The following NCKAP5 variants were observed in gnomAD, a reference collection of about 807,000 sequenced individuals.
The protein encoded by NCKAP5 is nck-associated protein 5.
Under a neutral mutation model 167.0 loss-of-function variants are expected in NCKAP5, and 92 were observed. That is an observed-to-expected ratio of 0.55 (90% CI 0.47 to 0.66). The LOEUF (loss-of-function observed/expected upper bound fraction) is 0.66. Among genes scored for constraint, NCKAP5 ranks in the 30% least tolerant of loss-of-function variants. The probability of loss-of-function intolerance (pLI) is 0.00; values close to 1 mark genes in which losing one functional copy is unlikely to be tolerated. For synonymous variants in NCKAP5, 891 were observed against 877.4 expected (o/e 1.02, Z -0.27); for missense variants, 2,378 against 2,315.0 (o/e 1.03, Z -0.56).
At chr2:133,521,385 C>A (rs1437766489) in intron 2 of NCKAP5, among the ~76,000 whole-genome samples, 2 of 152,354 alleles carry the variant, frequency 1.3e-5, no homozygotes, top group East Asian at 3.9e-4. Context: ...AACTACATTT[C>A]TAGTGCAAAC....
At chr2:133,549,075 A>T (rs1217535187) in intron 2 of NCKAP5, among the ~76,000 whole-genome samples, 1 of 151,368 alleles carries the variant, frequency 6.6e-6, no homozygotes, top group Non-Finnish European at 1.5e-5. Flanking sequence ...CAGGGGTTGC[A>T]ATCCTAGTCT....
chr2:132,714,843 A>T, intron 19 of NCKAP5: 1 of 449,648 alleles, frequency 2.2e-6, no homozygotes, highest in Non-Finnish European at 4.4e-6. Context: ...AGTTAATGAC[A>T]CAGCCAGCGC....
chr2:133,578,630 G>C, the NCKAP5 span, among the ~76,000 whole-genome samples: 1 of 152,176 alleles, frequency 6.6e-6, no homozygotes, highest in East Asian at 1.9e-4. Context: ...GATTGGCTGT[G>C]GCTCTGTCGT....
chr2:133,635,796 T>C, the NCKAP5 span, among the ~76,000 whole-genome samples: 1 of 152,180 alleles, frequency 6.6e-6, no homozygotes, highest in Non-Finnish European at 1.5e-5. Context: ...AAATAGCTAC[T>C]ATAGAAAGCC....
intron 6 of NCKAP5, among the ~76,000 whole-genome samples, chr2:133,107,806 G>A (rs186797216): frequency 6.6e-5 from 10 of 152,308 alleles, no homozygotes; most frequent in Admixed American, 4.6e-4. Context: ...TTTCACCATC[G>A]TCTTATTTCT....
intron 19 of NCKAP5, among the ~76,000 whole-genome samples, chr2:132,707,182 T>A (rs887953647): frequency 6.6e-6 from 1 of 152,220 alleles, no homozygotes; most frequent in Admixed American, 6.5e-5. Flanking sequence ...AGGTGCGTTG[T>A]GTGGAGAATC....
chr2:132,681,345 C>T (rs940172553), intron 19 of NCKAP5, among the ~76,000 whole-genome samples: 1 of 149,188 alleles, frequency 6.7e-6, no homozygotes, highest in Non-Finnish European at 1.5e-5. Context: ...GACTGATTAG[C>T]CTTTTTTTTT....
At chr2:133,653,071 A>G in the NCKAP5 span, among the ~76,000 whole-genome samples, 10 of 152,262 alleles carry the variant, frequency 6.6e-5, no homozygotes, top group Admixed American at 4.6e-4. Flanking sequence ...TATGTACCCA[A>G]TGTTCCCAGT....
chr2:133,352,172 C>G (rs1466654805), intron 3 of NCKAP5, among the ~76,000 whole-genome samples: 4 of 152,166 alleles, frequency 2.6e-5, no homozygotes, highest in Non-Finnish European at 5.9e-5. Context: ...AACCAACAAC[C>G]TTCACACTCT....
intron 2 of NCKAP5, among the ~76,000 whole-genome samples, chr2:133,528,346 G>T (rs1295872575): frequency 6.6e-6 from 1 of 151,396 alleles, no homozygotes; most frequent in Non-Finnish European, 1.5e-5. Flanking sequence ...CCCATGTGTA[G>T]GTTGTTTCTT....
At chr2:132,813,650 A>G (rs997931974) in intron 11 of NCKAP5, among the ~76,000 whole-genome samples, 3 of 152,196 alleles carry the variant, frequency 2.0e-5, no homozygotes, top group African/African-American at 7.2e-5. Flanking sequence ...CCAGATGGTC[A>G]GCAAGAAACC....
chr2:133,151,733 T>G (rs1452324815), intron 5 of NCKAP5, among the ~76,000 whole-genome samples: 1 of 152,194 alleles, frequency 6.6e-6, no homozygotes, highest in Non-Finnish European at 1.5e-5. Context: ...AAGCTAAACA[T>G]AGGCTTACCT....
chr2:133,221,354 T>C (rs1206530732), intron 4 of NCKAP5, among the ~76,000 whole-genome samples: 4 of 152,030 alleles, frequency 2.6e-5, no homozygotes, highest in Non-Finnish European at 5.9e-5. Flanking sequence ...ATAAAGTATT[T>C]AAAACTTACT....
At chr2:132,695,649 T>C (rs1240309400) in intron 19 of NCKAP5, among the ~76,000 whole-genome samples, 2 of 152,162 alleles carry the variant, frequency 1.3e-5, no homozygotes, top group Non-Finnish European at 2.9e-5. Context: ...CAGGAGCGAA[T>C]CCAAAATAGG....
chr2:132,846,416 T>C (rs1688666094), intron 11 of NCKAP5, among the ~76,000 whole-genome samples: 1 of 152,112 alleles, frequency 6.6e-6, no homozygotes, highest in Non-Finnish European at 1.5e-5. Flanking sequence ...ACGATTCTTG[T>C]GCCTCAGCTT....
intron 2 of NCKAP5, among the ~76,000 whole-genome samples, 174 bp from the exon 3 acceptor site, chr2:133,517,761 T>C (rs1684130460): frequency 6.6e-6 from 1 of 152,060 alleles, no homozygotes; most frequent in African/African-American, 2.4e-5. Context: ...AATGTCAGAG[T>C]TGTCTTTATG....
chr2:132,737,099 C>T (rs1320099096), intron 16 of NCKAP5, among the ~76,000 whole-genome samples: 1 of 152,148 alleles, frequency 6.6e-6, no homozygotes, highest in African/African-American at 2.4e-5. Flanking sequence ...ACTTCCCAGT[C>T]CTTTTAAAGT....
chr2:133,465,950 G>T (rs1374816897), intron 3 of NCKAP5, among the ~76,000 whole-genome samples: 132 of 150,428 alleles, frequency 8.8e-4, no homozygotes, highest in African/African-American at 3.0e-3. Context: ...TTTCTCCCAT[G>T]TTGTAGGTTG....
At chr2:133,614,621 C>A in the NCKAP5 span, among the ~76,000 whole-genome samples, 1 of 152,182 alleles carries the variant, frequency 6.6e-6, no homozygotes, top group Non-Finnish European at 1.5e-5. Context: ...AAGAAACGAA[C>A]AAAGCCTCCA....
Sources: gnomAD v4.1 joint callset for allele counts (sites outside exome capture counted in the v4.1 genomes callset) on GRCh38, gnomAD v4.1.1 for gene constraint, MANE v1.5 for transcripts, NCBI Gene and HGNC (gene_info 2026-07-23, HGNC 2026-07-21) for gene names.